The following CLVS1 variants were observed in gnomAD, a reference collection of about 807,000 sequenced individuals.
CLVS1 encodes clavesin-1.
A neutral mutation model predicts 33.1 loss-of-function variants in CLVS1; 10 were observed. The observed-to-expected ratio is 0.30, with a 90% CI of 0.19 to 0.51. The LOEUF (loss-of-function observed/expected upper bound fraction) is 0.51, where lower values mean the gene tolerates loss of function less well. CLVS1 is among the 20% of genes least tolerant of loss of function. CLVS1 has a pLI of 0.97. For missense variants in CLVS1, 343 were observed against 433.4 expected, an observed-to-expected ratio of 0.79 and a Z score of 1.85; for synonymous variants, 163 against 166.1, an observed-to-expected ratio of 0.98 and a Z score of 0.14.
At chr8:60,996,444 A>T in the CLVS1 span, among the ~76,000 whole-genome samples, 1 of 152,254 alleles carries the variant, frequency 6.6e-6, no homozygotes, top group Non-Finnish European at 1.5e-5. Flanking sequence ...AACAGCAGCT[A>T]TCACAACAAC....
the CLVS1 span, among the ~76,000 whole-genome samples, chr8:61,029,388 C>G: frequency 6.6e-6 from 1 of 152,070 alleles, no homozygotes; most frequent in African/African-American, 2.4e-5. Flanking sequence ...CAGAGGGAGG[C>G]GGGGCAGAGA....
intron 2 of CLVS1, among the ~76,000 whole-genome samples, chr8:61,178,526 A>G (rs2129299958): frequency 6.6e-6 from 1 of 152,326 alleles, no homozygotes; most frequent in Non-Finnish European, 1.5e-5. Flanking sequence ...GAGAAGATCC[A>G]CGCCAAGACA....
At position 61,353,246 on chromosome 8, in the gene CLVS1, A is replaced by G. The variant is rs1040624637; in HGVS notation, c.456-23359A>G. Among the ~76,000 whole-genome samples the G allele has an allele frequency of 2.0e-5, 3 of 152,180 alleles. No individual in the cohort carries two copies. In the South Asian group the frequency reaches 6.2e-4, roughly 32 times the overall value. Reference sequence around the variant, plus strand: ...ATCACACAACAACAGCAAGGTACACATTTTTTAAAGTGCCTGTGGAACATT... The same window carrying G: ...ATCACACAACAACAGCAAGGTACACGTTTTTTAAAGTGCCTGTGGAACATT... On this transcript the variant is annotated intron_variant, in intron 2 of 5. Coordinates refer to ENST00000325897, the MANE Select transcript of CLVS1 (RefSeq NM_173519.3).
At chr8:61,083,217 C>T (rs3864666) in intron 1 of CLVS1, among the ~76,000 whole-genome samples, 3 of 152,022 alleles carry the variant, frequency 2.0e-5, no homozygotes, top group Admixed American at 1.3e-4. Context: ...GGTAACTATA[C>T]GTGCCACTCT....
chr8:61,485,116 C>T (rs1247432976), intron 5 of CLVS1, among the ~76,000 whole-genome samples: 2 of 151,696 alleles, frequency 1.3e-5, no homozygotes, highest in Non-Finnish European at 3.0e-5. Context: ...AACTAAAGAG[C>T]TTCTGCACAG....
chr8:61,383,733 T>C (rs1813975413), intron 3 of CLVS1, among the ~76,000 whole-genome samples: 1 of 152,190 alleles, frequency 6.6e-6, no homozygotes, highest in South Asian at 2.1e-4. Context: ...GTATGGCCCA[T>C]TTTAAATAGT....
At chr8:61,220,058 A>G (rs1004338881) in intron 2 of CLVS1, among the ~76,000 whole-genome samples, 1 of 152,172 alleles carries the variant, frequency 6.6e-6, no homozygotes, top group African/African-American at 2.4e-5. Context: ...GACCTTTGTC[A>G]GATGGGTAAA....
chr8:61,121,281 C>G (rs902676395), intron 1 of CLVS1, among the ~76,000 whole-genome samples: 2 of 152,184 alleles, frequency 1.3e-5, no homozygotes, highest in Non-Finnish European at 2.9e-5. Flanking sequence ...TCTGGCACTC[C>G]CTAGTGAGAT....
chr8:61,168,936 T>A (rs1806935480), intron 2 of CLVS1, among the ~76,000 whole-genome samples: 1 of 152,234 alleles, frequency 6.6e-6, no homozygotes, highest in East Asian at 1.9e-4. Flanking sequence ...AGACGTCAAC[T>A]TTTAATTTTC....
rs1815066435 is a variant in CLVS1 at position 61,408,184 on chromosome 8, A to T, written c.630+31405A>T. 2.0e-5 allele frequency among the ~76,000 whole-genome samples: 3 copies of T among 152,186 alleles called. No individual in the cohort carries two copies. In the South Asian group the frequency reaches 6.2e-4, roughly 32 times the overall value. ...GATAAACAAGTAAGCAAATGAATGA[A>T]TGAGACCATTTCAGAGATTAGTGAT... is the stretch of plus-strand genomic sequence containing the variant. On this transcript the variant is annotated intron_variant, in intron 3 of 5. Coordinates refer to ENST00000325897, the MANE Select transcript of CLVS1 (RefSeq NM_173519.3).
intron 1 of CLVS1, among the ~76,000 whole-genome samples, chr8:61,100,184 A>G (rs1057323839): frequency 9.9e-5 from 15 of 152,214 alleles, no homozygotes; most frequent in African/African-American, 3.4e-4. Context: ...GATGAACTTA[A>G]TATTTTTATT....
intron 3 of CLVS1, among the ~76,000 whole-genome samples, chr8:61,420,516 C>T (rs898122773): frequency 2.0e-5 from 3 of 152,084 alleles, no homozygotes; most frequent in Admixed American, 2.0e-4. Context: ...GCAAAAGAAT[C>T]GCTTGAACCC....
intron 3 of CLVS1, among the ~76,000 whole-genome samples, chr8:61,404,630 G>A (rs1368424622): frequency 1.3e-5 from 2 of 152,120 alleles, no homozygotes; most frequent in African/African-American, 4.8e-5. Flanking sequence ...AGGAAACATT[G>A]GAACTCGAAG....
intron 2 of CLVS1, among the ~76,000 whole-genome samples, chr8:61,231,896 G>A (rs897972715): frequency 5.3e-5 from 8 of 152,118 alleles, no homozygotes; most frequent in Non-Finnish European, 1.0e-4. Context: ...GGAGTGGGGG[G>A]CAAGGGTGGA....
intron 1 of CLVS1, among the ~76,000 whole-genome samples, chr8:61,067,122 T>A (rs1156576750): frequency 6.6e-6 from 1 of 152,168 alleles, no homozygotes; most frequent in East Asian, 1.9e-4. Context: ...TGAAATAATT[T>A]CTCCTACACC....
the CLVS1 span, among the ~76,000 whole-genome samples, chr8:61,033,032 A>G: frequency 2.7e-3 from 326 of 122,000 alleles, no homozygotes; most frequent in African/African-American, 9.9e-3. Context: ...AAAGAAAGAA[A>G]GAAAGAAAGA....
intron 2 of CLVS1, among the ~76,000 whole-genome samples, chr8:61,198,903 C>A (rs1807671014): frequency 6.6e-6 from 1 of 152,196 alleles, no homozygotes; most frequent in South Asian, 2.1e-4. Flanking sequence ...TTATTTCATT[C>A]TTTTCCAAGG....
chr8:61,384,084 G>A, intron 3 of CLVS1, among the ~76,000 whole-genome samples: 1 of 152,368 alleles, frequency 6.6e-6, no homozygotes, highest in Non-Finnish European at 1.5e-5. Flanking sequence ...TACTTAGCAG[G>A]TAAGCGTGGA....
chr8:61,184,261 G>A (rs1416739322), intron 2 of CLVS1, among the ~76,000 whole-genome samples: 2 of 152,224 alleles, frequency 1.3e-5, no homozygotes, highest in Non-Finnish European at 2.9e-5. Context: ...CGAGGCATTG[G>A]AAGTAGGAGT....
Sources: gnomAD v4.1 joint callset for allele counts (sites outside exome capture counted in the v4.1 genomes callset) on GRCh38, gnomAD v4.1.1 for gene constraint, MANE v1.5 for transcripts, NCBI Gene and HGNC (gene_info 2026-07-23, HGNC 2026-07-21) for gene names.